The following PRXL2C variants were observed in gnomAD, a reference collection of about 807,000 sequenced individuals.
PRXL2C encodes the protein peroxiredoxin-like 2C.
Under a neutral mutation model 24.9 loss-of-function variants are expected in PRXL2C, and 38 were observed. The ratio of observed to expected loss-of-function variants is 1.53; its 90% CI spans 1.18 to 2.00. The LOEUF is 2.00. Among genes scored for constraint, PRXL2C ranks in the 30% most tolerant of loss-of-function variants. The pLI, the probability that PRXL2C is intolerant of heterozygous loss-of-function variation, is 0.00. For missense variants in PRXL2C, 294 were observed against 290.9 expected (o/e 1.01, Z -0.08); for synonymous variants, 98 against 117.2 (o/e 0.84, Z 1.06).
intron 5 of PRXL2C, among the ~76,000 whole-genome samples, chr9:96,645,410 T>C (rs1848183910): frequency 6.6e-6 from 1 of 151,846 alleles, no homozygotes; most frequent in Non-Finnish European, 1.5e-5. Context: ...ACAGAAGCCT[T>C]TGAAAACAAA....
At chr9:96,654,579 G>A (rs549265099) in intron 2 of PRXL2C, 126 bp downstream of exon 2, 61 of 786,968 alleles carry the variant, frequency 7.8e-5, no homozygotes, top group South Asian at 6.2e-4. Context: ...GGAGGGGCGA[G>A]GGTGGAGAGA....
intron 5 of PRXL2C, 110 bp downstream of exon 5, chr9:96,645,783 C>T (rs368335402): frequency 1.0e-4 from 132 of 1,275,218 alleles, no homozygotes; most frequent in African/African-American, 8.3e-4. Context: ...GGCGACAGAG[C>T]GAGACTCCCT....
At chr9:96,645,056 G>A (rs995073099) in intron 5 of PRXL2C, among the ~76,000 whole-genome samples, 15 of 150,742 alleles carry the variant, frequency 1.0e-4, no homozygotes, top group East Asian at 2.0e-4. Flanking sequence ...ACAGGCACCC[G>A]CCACCACGTC....
intron 5 of PRXL2C, among the ~76,000 whole-genome samples, chr9:96,645,261 T>C (rs958731987): frequency 6.6e-6 from 1 of 151,774 alleles, no homozygotes; most frequent in Non-Finnish European, 1.5e-5. Context: ...TATTCAGAAA[T>C]GTTCATCTCC....
intron 4 of PRXL2C, among the ~76,000 whole-genome samples, chr9:96,649,287 G>C (rs951306173): frequency 6.6e-6 from 1 of 151,160 alleles, no homozygotes; most frequent in Non-Finnish European, 1.5e-5. Context: ...TAAAGGAGCC[G>C]GGTGCGGTGG....
intron 3 of PRXL2C, 76 bp from the exon 4 acceptor site, chr9:96,651,571 T>A (rs1848265457): frequency 3.2e-6 from 5 of 1,545,596 alleles, no homozygotes; most frequent in Middle Eastern, 1.7e-4. Context: ...TTCAGCCAAC[T>A]TAGCCTACAT....
At chr9:96,651,285 A>C (rs891288522) in intron 4 of PRXL2C, 105 bp downstream of exon 4, 4 of 877,972 alleles carry the variant, frequency 4.6e-6, no homozygotes, top group African/African-American at 1.7e-5. Flanking sequence ...CTCAAAAAAA[A>C]CAAAAAAGCC....
chr9:96,649,532 C>G (rs1848241143), intron 4 of PRXL2C, among the ~76,000 whole-genome samples: 1 of 139,540 alleles, frequency 7.2e-6, no homozygotes. Flanking sequence ...CCATCACACT[C>G]TAGCCTAGAC....
chr9:96,645,110 C>CA, intron 5 of PRXL2C, among the ~76,000 whole-genome samples: 1 of 151,216 alleles, frequency 6.6e-6, no homozygotes, highest in Non-Finnish European at 1.5e-5. Flanking sequence ...GGGGTTTCAC[C>CA]GTGTTAGCCA....
intron 2 of PRXL2C, 46 bp downstream of exon 2, chr9:96,654,659 A>G (rs548581742): frequency 6.6e-7 from 1 of 1,525,576 alleles, no homozygotes; most frequent in African/African-American, 1.4e-5. Flanking sequence ...CCCGCTCGCA[A>G]GGTCTGCAGA....
At position 96,655,173 on chromosome 9, in the gene PRXL2C, G is replaced by C. The variant is rs1848337478; in HGVS notation, c.109C>G (p.Leu37Val). ...TGCCCGCGGGCGTCCAGCACCGGCA[G>C]CTCGGCCACGGCGGCCGCCAGGGGC... ...GQPLAAAVAE[L>V]PVLDARGQRV... Residue 37 changes from leucine (L) to valine (V), a missense_variant, in exon 1 of 6, where the codon CTG (leucine) becomes GTG (valine). Physicochemically the swap from Leu to Val is conservative, Grantham distance 32. Transcript: ENST00000375234. 1 of 1,230,806 alleles carries C rather than the reference G, an allele frequency of 8.1e-7. No individual in the cohort carries two copies. The highest frequency in any genetic ancestry group is 1.0e-6 in the Non-Finnish European group (1 of 988,842). The allele number at this position is 1,230,806 out of a possible 1,614,324, so 76.2% of individuals were successfully genotyped here.
chr9:96,646,526 C>T (rs890738560), intron 4 of PRXL2C, among the ~76,000 whole-genome samples: 8 of 152,218 alleles, frequency 5.3e-5, no homozygotes, highest in African/African-American at 1.9e-4. Flanking sequence ...TTGGTCAAAA[C>T]CTGTTTCCTC....
At chr9:96,654,848 C>T in intron 1 of PRXL2C, 75 bp from the exon 2 acceptor site, 1 of 1,428,610 alleles carries the variant, frequency 7.0e-7, no homozygotes, top group Non-Finnish European at 9.5e-7. Context: ...CTGTACTTCG[C>T]CGTGCGTGAC....
chr9:96,644,104 G>A (rs1848157938), intron 5 of PRXL2C, among the ~76,000 whole-genome samples: 1 of 143,674 alleles, frequency 7.0e-6, no homozygotes, highest in African/African-American at 2.6e-5. Flanking sequence ...CTGCACTCCA[G>A]CCTGGTGACA....
intron 5 of PRXL2C, among the ~76,000 whole-genome samples, chr9:96,645,055 C>T (rs1588100595): frequency 2.0e-5 from 3 of 151,110 alleles, no homozygotes; most frequent in African/African-American, 7.3e-5. Context: ...TACAGGCACC[C>T]GCCACCACGT....
chr9:96,642,039 A>G (rs1848124187), intron 5 of PRXL2C, among the ~76,000 whole-genome samples, 153 bp from the exon 6 acceptor site: 1 of 152,302 alleles, frequency 6.6e-6, no homozygotes, highest in Middle Eastern at 3.4e-3. Flanking sequence ...ATGCCATAAT[A>G]ATTTTAAATC....
At chr9:96,651,538 G>C in intron 3 of PRXL2C, 43 bp from the exon 4 acceptor site, 2 of 1,574,172 alleles carry the variant, frequency 1.3e-6, no homozygotes, top group Non-Finnish European at 1.7e-6. Flanking sequence ...GAACAAATGA[G>C]AGAAAAGTAA....
At chr9:96,647,709 G>T (rs528348049) in intron 4 of PRXL2C, among the ~76,000 whole-genome samples, 2 of 151,880 alleles carry the variant, frequency 1.3e-5, no homozygotes, top group African/African-American at 4.8e-5. Context: ...TTTTTTTGTT[G>T]TTGAGATGGG....
chr9:96,648,043 T>A (rs1225292927), intron 4 of PRXL2C, among the ~76,000 whole-genome samples: 1 of 151,760 alleles, frequency 6.6e-6, no homozygotes, highest in Non-Finnish European at 1.5e-5. Flanking sequence ...TAGCAGGGAG[T>A]ACAGGCATGC....
Sources: allele counts gnomAD v4.1 joint callset (sites outside exome capture counted in the v4.1 genomes callset), GRCh38; gene constraint gnomAD v4.1.1; transcripts MANE v1.5; gene names NCBI Gene and HGNC (gene_info 2026-07-23, HGNC 2026-07-21).